Variants in PLCXD3 observed in about 807,000 individuals in gnomAD.
The protein encoded by PLCXD3 is PI-PLC X domain-containing protein 3.
A neutral mutation model predicts 25.5 loss-of-function variants in PLCXD3; 19 were observed. The observed-to-expected ratio is 0.75, with a 90% confidence interval of 0.52 to 1.09. The LOEUF is 1.09. PLCXD3 is among the 50% of genes least tolerant of loss of function. The pLI is 0.00. For synonymous variants in PLCXD3, 174 were observed against 137.6 expected, an observed-to-expected ratio of 1.26 and a Z score of -1.85; for missense variants, 411 against 388.1, an observed-to-expected ratio of 1.06 and a Z score of -0.50.
chr5:41,337,336 C>T (rs1201025629), intron 2 of PLCXD3, among the ~76,000 whole-genome samples: 2 of 152,090 alleles, frequency 1.3e-5, no homozygotes. Context: ...CTAAAGCTAC[C>T]TCTCAGAAAA....
rs564686675 is a variant in PLCXD3 at position 41,356,009 on chromosome 5, A to T, written c.812+25817T>A. On this transcript the variant is annotated intron_variant, in intron 2 of 2. Coordinates refer to ENST00000377801, the MANE Select transcript of PLCXD3 (RefSeq NM_001005473.3). ...GTTACCCAATAACTTCTCTAAAAAA[A>T]ACCCATGATCATTGGGAGGCTGAGG... Among the ~76,000 whole-genome samples, 368 of 152,284 alleles carry T rather than the reference A, an allele frequency of 2.4e-3. 2 individuals carry two copies. Among genetic ancestry groups the T allele is most frequent in the African/African-American group, 7.8e-3 (326 of 41,556 alleles).
chr5:41,493,641 G>T (rs1748759637), intron 1 of PLCXD3, among the ~76,000 whole-genome samples: 1 of 152,172 alleles, frequency 6.6e-6, no homozygotes, highest in South Asian at 2.1e-4. Context: ...GGCAATGGTG[G>T]GCACCCCTCC....
chr5:41,391,965 T>A (rs191781862), intron 1 of PLCXD3, among the ~76,000 whole-genome samples: 1 of 152,242 alleles, frequency 6.6e-6, no homozygotes, highest in South Asian at 2.1e-4. Flanking sequence ...GAGGTTCCTC[T>A]GCCTTTGGAA....
chr5:41,406,678 T>C (rs1478834385), intron 1 of PLCXD3, among the ~76,000 whole-genome samples: 1 of 152,196 alleles, frequency 6.6e-6, no homozygotes, highest in Admixed American at 6.5e-5. Context: ...TCTGGCTTCC[T>C]GTGGGGGCCA....
chr5:41,372,872 C>T (rs1257242125), intron 2 of PLCXD3, among the ~76,000 whole-genome samples: 6 of 151,742 alleles, frequency 4.0e-5, no homozygotes, highest in Non-Finnish European at 8.8e-5. Context: ...GGTGAAACTC[C>T]TTCTCTACAA....
intron 1 of PLCXD3, among the ~76,000 whole-genome samples, chr5:41,471,070 G>T (rs1748145783): frequency 6.6e-6 from 1 of 152,142 alleles, no homozygotes. Context: ...CAGGGCAGGG[G>T]TCAGTGTATA....
intron 1 of PLCXD3, among the ~76,000 whole-genome samples, chr5:41,389,451 A>G (rs1342466789): frequency 6.6e-6 from 1 of 152,214 alleles, no homozygotes; most frequent in African/African-American, 2.4e-5. Flanking sequence ...ACAGATGTTA[A>G]CTTACAAAGG....
chr5:41,314,372 C>A (rs1743228117), intron 2 of PLCXD3, among the ~76,000 whole-genome samples: 1 of 152,086 alleles, frequency 6.6e-6, no homozygotes, highest in South Asian at 2.1e-4. Flanking sequence ...TTCAAGTGAA[C>A]AAAACAGATA....
At chr5:41,435,473 C>A (rs1409730351) in intron 1 of PLCXD3, among the ~76,000 whole-genome samples, 1 of 152,162 alleles carries the variant, frequency 6.6e-6, no homozygotes, top group South Asian at 2.1e-4. Flanking sequence ...TGGACACTGG[C>A]AGCTGTGGGG....
At chr5:41,427,448 T>G (rs1314146739) in intron 1 of PLCXD3, among the ~76,000 whole-genome samples, 1 of 152,178 alleles carries the variant, frequency 6.6e-6, no homozygotes, top group Non-Finnish European at 1.5e-5. Flanking sequence ...ATTTTCTTTA[T>G]CCTTTCAAGT....
intron 1 of PLCXD3, among the ~76,000 whole-genome samples, chr5:41,486,292 G>GA (rs1410216306): frequency 1.3e-5 from 2 of 151,856 alleles, no homozygotes; most frequent in Non-Finnish European, 2.9e-5. Context: ...CTCTGCTGGG[G>GA]AAAAACTCTT....
chr5:41,466,939 T>C (rs1473268860), intron 1 of PLCXD3, among the ~76,000 whole-genome samples: 1 of 152,200 alleles, frequency 6.6e-6, no homozygotes, highest in Non-Finnish European at 1.5e-5. Context: ...TACCACATTT[T>C]CTTTATCTAT....
chr5:41,434,764 G>A (rs1326850975), intron 1 of PLCXD3, among the ~76,000 whole-genome samples: 1 of 152,160 alleles, frequency 6.6e-6, no homozygotes, highest in African/African-American at 2.4e-5. Context: ...GGAAACACAT[G>A]AATAAGACTT....
chr5:41,392,279 G>A (rs1002959938), intron 1 of PLCXD3, among the ~76,000 whole-genome samples: 2 of 152,158 alleles, frequency 1.3e-5, no homozygotes, highest in African/African-American at 4.8e-5. Context: ...AATTGTGGTT[G>A]CCACAGGGGT....
chr5:41,509,697 C>G (rs1167836529), intron 1 of PLCXD3, among the ~76,000 whole-genome samples: 4 of 152,248 alleles, frequency 2.6e-5, no homozygotes, highest in Non-Finnish European at 4.4e-5. Context: ...AGTAAACATA[C>G]GGTCCGCAAG....
At chr5:41,357,644 A>G (rs1453370447) in intron 2 of PLCXD3, among the ~76,000 whole-genome samples, 3 of 152,236 alleles carry the variant, frequency 2.0e-5, no homozygotes. Flanking sequence ...GGCCCACTGC[A>G]GAATTTACAC....
At chr5:41,431,009 T>G (rs1186295310) in intron 1 of PLCXD3, among the ~76,000 whole-genome samples, 1 of 152,180 alleles carries the variant, frequency 6.6e-6, no homozygotes, top group East Asian at 1.9e-4. Context: ...GACAAAATTG[T>G]CTTGGAAACA....
intron 1 of PLCXD3, among the ~76,000 whole-genome samples, chr5:41,457,313 A>C (rs1747775047): frequency 6.6e-6 from 1 of 151,946 alleles, no homozygotes; most frequent in African/African-American, 2.4e-5. Flanking sequence ...TACAACCATG[A>C]TAGTAGCCTA....
At chr5:41,441,451 A>G (rs1747382614) in intron 1 of PLCXD3, among the ~76,000 whole-genome samples, 1 of 152,140 alleles carries the variant, frequency 6.6e-6, no homozygotes, top group Non-Finnish European at 1.5e-5. Flanking sequence ...TTCTAATGGA[A>G]AGCTAATTTC....
Sources: gnomAD v4.1 joint callset for allele counts (sites outside exome capture counted in the v4.1 genomes callset) on GRCh38, gnomAD v4.1.1 for gene constraint, MANE v1.5 for transcripts, NCBI Gene and HGNC (gene_info 2026-07-23, HGNC 2026-07-21) for gene names.